The following CRAMP1 variants were observed in gnomAD, a reference collection of about 807,000 sequenced individuals.
CRAMP1 encodes the protein protein cramped-like.
CRAMP1 carries 50 observed loss-of-function variants against 115.4 expected under a neutral mutation model. That is an observed-to-expected ratio of 0.43 (90% CI 0.35 to 0.55). The LOEUF is 0.55. Among genes scored for constraint, CRAMP1 ranks in the 20% least tolerant of loss-of-function variants. The pLI is 0.01. For missense variants in CRAMP1, 1,679 were observed against 1,721.7 expected, an observed-to-expected ratio of 0.98 and a Z score of 0.44; for synonymous variants, 866 against 745.4, an observed-to-expected ratio of 1.16 and a Z score of -2.64.
In CRAMP1 at chr16:1,626,069, C is replaced by T. The variant is rs776901191; in HGVS notation, c.443C>T (p.Ser148Phe). The change falls in exon 3 of 21, where the codon TCT becomes TTT. Residue 148 changes from serine to phenylalanine, a missense_variant. Ser to Phe is a radical substitution (Grantham distance 155). This residue lies in a region of CRAMP1 where 264 missense variants were observed against 229.7 expected (regional missense o/e 1.15). Transcript: ENST00000397412. ...GSRSSSRNLG[S>F]SGGEKEEGKK... ...CGCTCCTCCTCCCGGAACTTAGGGTCTTCTGGTGGCGAGAAGGAAGAAGGC... is the reference window on the plus strand; with the variant it reads ...CGCTCCTCCTCCCGGAACTTAGGGTTTTCTGGTGGCGAGAAGGAAGAAGGC... 2 of 1,551,544 alleles carry T rather than the reference C, an allele frequency of 1.3e-6. No homozygotes were observed. Among genetic ancestry groups the T allele is most frequent in the Admixed American group, 2.0e-5 (1 of 50,980 alleles).
At chr16:1,630,386 A>T (rs2036539953) in intron 3 of CRAMP1, among the ~76,000 whole-genome samples, 1 of 152,136 alleles carries the variant, frequency 6.6e-6, no homozygotes, top group Non-Finnish European at 1.5e-5. Context: ...TCCTGGGCTC[A>T]AGCAATTCTC....
At chr16:1,657,180 C>T (rs1052365406) in intron 10 of CRAMP1, among the ~76,000 whole-genome samples, 188 bp downstream of exon 10, 12 of 152,184 alleles carry the variant, frequency 7.9e-5, no homozygotes, top group South Asian at 2.1e-4. Flanking sequence ...CCAAATGGTC[C>T]GGGAGACAGA....
Position 1,626,182 on chromosome 16 carries a change from A to G in CRAMP1, c.540+16A>G. On this transcript the variant is annotated intron_variant, in intron 3 of 20. Transcript: ENST00000397412. The stretch of plus-strand genomic sequence containing the variant: ...GCTGTACGAGGTGAGTAGGCTGTGG[A>G]GGCACGGCCAGGCAGCCTGGGCGTC... 6.8e-7 allele frequency: 1 copy of G among 1,462,796 alleles called. No homozygotes were observed. Among genetic ancestry groups the G allele is most frequent in the Non-Finnish European group, 9.1e-7 (1 of 1,100,844 alleles). 90.6% of individuals were successfully genotyped at this position (1,462,796 alleles called of 1,614,324 possible). A position where few individuals can be genotyped will look rare whatever the true frequency, so the allele number is the denominator to read the frequency against.
intron 1 of CRAMP1, among the ~76,000 whole-genome samples, chr16:1,613,415 G>A (rs2036380355): frequency 6.6e-6 from 1 of 152,168 alleles, no homozygotes. Flanking sequence ...GTATTTCGTG[G>A]TTGGTGTTGG....
intron 7 of CRAMP1, 44 bp from the exon 8 acceptor site, chr16:1,652,988 TA>T (rs746364760): frequency 6.2e-6 from 10 of 1,611,034 alleles, no homozygotes; most frequent in Middle Eastern, 1.7e-4. Flanking sequence ...TTTTCTACCT[TA>T]AGGTTGGGCT....
intron 10 of CRAMP1, among the ~76,000 whole-genome samples, chr16:1,659,064 A>C (rs1449232534): frequency 6.6e-6 from 1 of 152,164 alleles, no homozygotes; most frequent in South Asian, 2.1e-4. Context: ...GTGGGCCTGC[A>C]CAACCCCCAA....
chr16:1,616,068 G>A (rs1331825365), intron 2 of CRAMP1, among the ~76,000 whole-genome samples: 1 of 152,202 alleles, frequency 6.6e-6, no homozygotes, highest in Non-Finnish European at 1.5e-5. Context: ...TTACTCATTG[G>A]TAAAGAATTC....
intron 14 of CRAMP1, 179 bp from the exon 15 acceptor site, chr16:1,665,894 G>T (rs921349707): frequency 8.4e-6 from 5 of 594,150 alleles, no homozygotes; most frequent in Middle Eastern, 8.9e-4. Context: ...GTGTCACGTT[G>T]GGGGCCTGTG....
Position 1,656,743 on chromosome 16 carries a change from G to A in CRAMP1, c.1986G>A (p.Lys662=), listed in dbSNP as rs1413525171. The stretch of plus-strand genomic sequence containing the variant: ...GACAGCCTGCCGCCAGGCCCCCGAA[G>A]GAGGTCCCCGCCAGCCGGCTGGCTC... ...SQGQPAARPP[K]EVPASRLAQQ... Residue 662 remains lysine, a synonymous_variant, in exon 10 of 21, where the codon AAG becomes AAA. Transcript: ENST00000397412. This position sits in a 1 kb window ranked among gnomAD's most constrained non-coding sequence, Gnocchi z 5.6. 6.5e-7 allele frequency: 1 copy of A among 1,549,582 alleles called. No individual in the cohort carries two copies. Among genetic ancestry groups the A allele is most frequent in the Non-Finnish European group, 8.7e-7 (1 of 1,146,430 alleles).
chr16:1,621,456 C>T (rs912103433), intron 2 of CRAMP1, among the ~76,000 whole-genome samples: 4 of 152,114 alleles, frequency 2.6e-5, no homozygotes, highest in Admixed American at 6.5e-5. Flanking sequence ...ACAGGCGGTG[C>T]GGATGGGAAG....
intron 10 of CRAMP1, among the ~76,000 whole-genome samples, chr16:1,659,358 C>T (rs895212695): frequency 6.6e-6 from 1 of 152,016 alleles, no homozygotes; most frequent in African/African-American, 2.4e-5. Flanking sequence ...ACTTACCTGA[C>T]CAGTGACTTT....
chr16:1,667,776 C>T (rs908951521), intron 17 of CRAMP1, among the ~76,000 whole-genome samples, 186 bp from the exon 18 acceptor site: 2 of 152,206 alleles, frequency 1.3e-5, no homozygotes, highest in African/African-American at 4.8e-5. Context: ...CTGACTCTGC[C>T]ATAGTGAGTG....
rs1294093103 is a variant in CRAMP1 at position 1,673,923 on chromosome 16, A to G, written c.3688A>G (p.Ile1230Val). 1 of 1,613,806 alleles carries G rather than the reference A, an allele frequency of 6.2e-7. No homozygotes were observed. Among genetic ancestry groups the G allele is most frequent in the Non-Finnish European group, 8.5e-7 (1 of 1,179,868 alleles). Residue 1230 changes from isoleucine (I) to valine (V), a missense_variant, in exon 21 of 21, where the codon ATT becomes GTT. Physicochemically the swap from Ile to Val is conservative, Grantham distance 29 (BLOSUM62 3). This residue lies in a region of CRAMP1 where 709 missense variants were observed against 741.9 expected (regional missense o/e 0.96). Coordinates refer to ENST00000397412, the MANE Select transcript of CRAMP1 (RefSeq NM_020825.4). Reference protein sequence around the residue: ...QLVCMMNENSIDYISRFNDLA... With the variant: ...QLVCMMNENSVDYISRFNDLA... Reference sequence around the variant, plus strand: ...GGTGTGCATGATGAACGAAAACAGCATTGATTACATTTCTCGGTTCAATGA... The same window carrying G: ...GGTGTGCATGATGAACGAAAACAGCGTTGATTACATTTCTCGGTTCAATGA...
intron 13 of CRAMP1, 105 bp downstream of exon 13, chr16:1,662,940 T>A (rs2036845648): frequency 2.5e-6 from 2 of 804,126 alleles, no homozygotes; most frequent in South Asian, 3.3e-5. Flanking sequence ...TGTGGGAAAT[T>A]CCTGCCCCTT....
At chr16:1,643,776 G>C (rs1350227870) in intron 6 of CRAMP1, among the ~76,000 whole-genome samples, 1 of 152,244 alleles carries the variant, frequency 6.6e-6, no homozygotes, top group Non-Finnish European at 1.5e-5. Context: ...CAAATGAAGA[G>C]GGAGCCTGGC....
rs557289381 is a variant in CRAMP1 at position 1,656,728 on chromosome 16, C to T, written c.1971C>T (p.Ala657=). ...CTCCGCCGTCTCAGGGACAGCCTGCCGCCAGGCCCCCGAAGGAGGTCCCCG... is the reference window on the plus strand; with the variant it reads ...CTCCGCCGTCTCAGGGACAGCCTGCTGCCAGGCCCCCGAAGGAGGTCCCCG... ...AGPPPSQGQP[A]ARPPKEVPAS... Residue 657 remains alanine (A), a synonymous_variant, in exon 10 of 21, where the codon GCC becomes GCT. Transcript: ENST00000397412. This position sits in a 1 kb window ranked among gnomAD's most constrained non-coding sequence, Gnocchi z 5.6. 44 of 1,551,652 alleles carry T rather than the reference C, an allele frequency of 2.8e-5. No homozygotes were observed. In the Middle Eastern group the frequency reaches 1.5e-3, roughly 53 times the overall value.
chr16:1,653,521 T>A (rs1488577344), intron 8 of CRAMP1, among the ~76,000 whole-genome samples: 1 of 152,210 alleles, frequency 6.6e-6, no homozygotes, highest in Non-Finnish European at 1.5e-5. Flanking sequence ...GGACCCTTTT[T>A]CATTTGTACA....
intron 6 of CRAMP1, among the ~76,000 whole-genome samples, chr16:1,652,116 A>G: frequency 6.6e-6 from 1 of 152,200 alleles, no homozygotes; most frequent in Non-Finnish European, 1.5e-5. Context: ...CTGAGGGCCC[A>G]AAGTGGGAGG....
At chr16:1,620,833 A>C (rs1017263711) in intron 2 of CRAMP1, 5 of 374,232 alleles carry the variant, frequency 1.3e-5, no homozygotes, top group African/African-American at 4.1e-5. Flanking sequence ...ACGGCACGGC[A>C]TGGGAAACGC....
Sources: gnomAD v4.1 joint callset for allele counts (sites outside exome capture counted in the v4.1 genomes callset) on GRCh38, gnomAD v4.1.1 for gene constraint, gnomAD v4.1.1 regional missense constraint, Gnocchi (gnomAD v3.1) non-coding constraint, MANE v1.5 for transcripts, NCBI Gene and HGNC (gene_info 2026-07-23, HGNC 2026-07-21) for gene names.